DERA: variants seen among roughly 807,000 people sequenced by gnomAD.
DERA encodes deoxyribose-phosphate aldolase, also known as 2-deoxy-D-ribose 5-phosphate aldolase.
Under a neutral mutation model 41.1 loss-of-function variants are expected in DERA, and 15 were observed. The ratio of observed to expected loss-of-function variants is 0.37; its 90% CI spans 0.24 to 0.56. The LOEUF (loss-of-function observed/expected upper bound fraction) is 0.56, where lower values mean the gene tolerates loss of function less well. Among genes scored for constraint, DERA ranks in the 20% least tolerant of loss-of-function variants. The pLI is 0.81. For missense variants in DERA, 396 were observed against 403.4 expected (o/e 0.98, Z 0.16); for synonymous variants, 139 against 137.4 (o/e 1.01, Z -0.08).
At chr12:15,971,101 A>G (rs1948656489) in intron 5 of DERA, among the ~76,000 whole-genome samples, 1 of 152,220 alleles carries the variant, frequency 6.6e-6, no homozygotes, top group Non-Finnish European at 1.5e-5. Flanking sequence ...ACAATTCTCC[A>G]GAGACTTCAA....
At chr12:15,937,699 A>G (rs972472656) in intron 1 of DERA, among the ~76,000 whole-genome samples, 1 of 150,992 alleles carries the variant, frequency 6.6e-6, no homozygotes, top group Non-Finnish European at 1.5e-5. Context: ...TAACTGCACA[A>G]TATTTGTGGT....
chr12:15,997,979 A>G (rs948566180), intron 6 of DERA, among the ~76,000 whole-genome samples: 1 of 152,218 alleles, frequency 6.6e-6, no homozygotes, highest in Non-Finnish European at 1.5e-5. Flanking sequence ...CAAACCTCTC[A>G]TTTTAAAGGT....
Position 15,988,174 on chromosome 12 carries a change from C to G in DERA, c.637+5738C>G, listed in dbSNP as rs951264092. On this transcript the variant is annotated intron_variant, in intron 6 of 8. Transcript: ENST00000428559. This position sits in a 1 kb window ranked among gnomAD's most constrained non-coding sequence, Gnocchi z 6.0. ...CTGGGGGAGCCCTGAGTTCTGGGCTCCCAGAAGGGCCGCAGCTCCTTCTTC... is the reference window on the plus strand; with the variant it reads ...CTGGGGGAGCCCTGAGTTCTGGGCTGCCAGAAGGGCCGCAGCTCCTTCTTC... Among the ~76,000 whole-genome samples the G allele has an allele frequency of 6.6e-6, 1 of 152,152 alleles. No homozygotes were observed. The highest frequency in any genetic ancestry group is 2.4e-5 in the African/African-American group (1 of 41,448).
intron 1 of DERA, among the ~76,000 whole-genome samples, chr12:15,956,205 A>C (rs1236893256): frequency 6.6e-6 from 1 of 152,234 alleles, no homozygotes; most frequent in South Asian, 2.1e-4. Flanking sequence ...GGGAGCTGAC[A>C]GTGTTTTCAC....
chr12:15,912,163 G>C, intron 1 of DERA, among the ~76,000 whole-genome samples: 1 of 151,952 alleles, frequency 6.6e-6, no homozygotes, highest in African/African-American at 2.4e-5. Flanking sequence ...AGGACCCTGC[G>C]GCCTTCCGCA....
intron 1 of DERA, among the ~76,000 whole-genome samples, chr12:15,947,929 G>A (rs571527569): frequency 6.6e-6 from 1 of 152,256 alleles, no homozygotes; most frequent in East Asian, 1.9e-4. Flanking sequence ...CTCAGCATTT[G>A]CTTGTCAAGA....
At position 16,011,387 on chromosome 12, in the gene DERA, C is replaced by T. The variant is rs1312310948; in HGVS notation, c.638-21155C>T. On this transcript the variant is annotated intron_variant, in intron 6 of 8. Coordinates refer to ENST00000428559, the MANE Select transcript of DERA (RefSeq NM_015954.4). This position sits in a 1 kb window ranked among gnomAD's most constrained non-coding sequence, Gnocchi z 4.7. ...TCAGATTTCGGAATATTTGCATATG[C>T]TTACCCTAACCTGGTTGAGCATCCC... Among the ~76,000 whole-genome samples the T allele has an allele frequency of 1.3e-5, 2 of 152,126 alleles. No homozygotes were observed. Among genetic ancestry groups the T allele is most frequent in the African/African-American group, 4.8e-5 (2 of 41,436 alleles).
chr12:15,948,672 A>T (rs1435070378), intron 1 of DERA, among the ~76,000 whole-genome samples: 2 of 152,078 alleles, frequency 1.3e-5, no homozygotes, highest in African/African-American at 2.4e-5. Flanking sequence ...GAGTAGTTTG[A>T]TCATCTGAAG....
In DERA at chr12:15,915,676, T is replaced by G. The variant is rs1485766793; in HGVS notation, c.31+4262T>G. The stretch of plus-strand genomic sequence containing the variant: ...TCTTCACCTTATTTAATACCTACTG[T>G]GTGCAGACACTGTGCTTAGGTGCTG... On this transcript the variant is annotated intron_variant, in intron 1 of 8. Coordinates refer to ENST00000428559, the MANE Select transcript of DERA (RefSeq NM_015954.4). This position sits in a 1 kb window ranked among gnomAD's most constrained non-coding sequence, Gnocchi z 4.8. 6.6e-6 allele frequency among the ~76,000 whole-genome samples: 1 copy of G among 152,226 alleles called. No homozygotes were observed. The highest frequency in any genetic ancestry group is 1.5e-5 in the Non-Finnish European group (1 of 68,044).
chr12:16,007,276 G>A (rs894038528), intron 6 of DERA, among the ~76,000 whole-genome samples: 5 of 149,274 alleles, frequency 3.3e-5, no homozygotes, highest in Admixed American at 2.0e-4. Flanking sequence ...CTCCGCCTCC[G>A]GGGTTCAAGT....
chr12:16,010,181 G>C lies in DERA; in HGVS notation c.638-22361G>C, dbSNP rs924955651. The stretch of plus-strand genomic sequence containing the variant: ...ATATTCGTGGGCAAGGCAGTGCCTT[G>C]AAAACAAGTGTGTGGCATCCAGGGA... On this transcript the variant is annotated intron_variant, in intron 6 of 8. Coordinates refer to ENST00000428559, the MANE Select transcript of DERA (RefSeq NM_015954.4). The surrounding 1 kb of genome is among the most constrained non-coding windows in gnomAD (Gnocchi z 5.5). 6.6e-6 allele frequency among the ~76,000 whole-genome samples: 1 copy of C among 152,174 alleles called. No homozygotes were observed. The highest frequency in any genetic ancestry group is 1.5e-5 in the Non-Finnish European group (1 of 68,040).
At chr12:15,971,274 C>T (rs1460535963) in intron 5 of DERA, among the ~76,000 whole-genome samples, 2 of 152,320 alleles carry the variant, frequency 1.3e-5, no homozygotes, top group East Asian at 3.9e-4. Flanking sequence ...ATTTTCCTCA[C>T]ATGTGCTCCT....
At chr12:15,987,061 A>G (rs1352119415) in intron 6 of DERA, among the ~76,000 whole-genome samples, 1 of 151,990 alleles carries the variant, frequency 6.6e-6, no homozygotes, top group South Asian at 2.1e-4. Flanking sequence ...TACTCTAGCT[A>G]TGGTCAATCA....
chr12:15,958,514 C>CTTTT, intron 3 of DERA, among the ~76,000 whole-genome samples, 179 bp downstream of exon 3: 1 of 124,106 alleles, frequency 8.1e-6, no homozygotes, highest in Non-Finnish European at 1.7e-5. Flanking sequence ...GAATCTGAGT[C>CTTTT]TTTTTTTTTT....
rs1282110809 is a variant in DERA at position 15,924,328 on chromosome 12, G to A, written c.31+12914G>A. Among the ~76,000 whole-genome samples the A allele has an allele frequency of 6.6e-6, 1 of 152,126 alleles. No individual in the cohort carries two copies. The highest frequency in any genetic ancestry group is 1.5e-5 in the Non-Finnish European group (1 of 68,034). ...TCACAGCTACCTTGGAAACTGAGGCGGGACAAGGTTACAGTGATGATCATA... is the reference window on the plus strand; with the variant it reads ...TCACAGCTACCTTGGAAACTGAGGCAGGACAAGGTTACAGTGATGATCATA... On this transcript the variant is annotated intron_variant, in intron 1 of 8. Transcript: ENST00000428559. The surrounding 1 kb of genome is among the most constrained non-coding windows in gnomAD (Gnocchi z 5.0).
At chr12:16,029,130 G>T (rs1205270433) in intron 6 of DERA, among the ~76,000 whole-genome samples, 1 of 152,176 alleles carries the variant, frequency 6.6e-6, no homozygotes, top group Non-Finnish European at 1.5e-5. Context: ...AAAACTAAAA[G>T]ATTATTTAAA....
rs1425365307 is a variant in DERA at position 15,965,890 on chromosome 12, T to C, written c.508+2943T>C. Among the ~76,000 whole-genome samples the C allele has an allele frequency of 6.6e-6, 1 of 152,138 alleles. No individual in the cohort carries two copies. The highest frequency in any genetic ancestry group is 2.4e-5 in the African/African-American group (1 of 41,430). On this transcript the variant is annotated intron_variant, in intron 5 of 8. Coordinates refer to ENST00000428559, the MANE Select transcript of DERA (RefSeq NM_015954.4). This position sits in a 1 kb window ranked among gnomAD's most constrained non-coding sequence, Gnocchi z 4.1. ...CTGTGCTGTGGCTCTCATCTCCCCC[T>C]GCATTTTCAGAAGCCCTGCTCTATC...
At chr12:15,925,542 A>T (rs1948275921) in intron 1 of DERA, among the ~76,000 whole-genome samples, 1 of 152,222 alleles carries the variant, frequency 6.6e-6, no homozygotes, top group Admixed American at 6.5e-5. Context: ...TTCTAAAATT[A>T]AGTATCTTTA....
chr12:16,016,815 A>G (rs1176484220), intron 6 of DERA, among the ~76,000 whole-genome samples: 4 of 151,166 alleles, frequency 2.6e-5, no homozygotes, highest in Non-Finnish European at 5.9e-5. Flanking sequence ...AAAAAAAAAA[A>G]AAAGAAAGAA....
Sources: allele counts gnomAD v4.1 joint callset (sites outside exome capture counted in the v4.1 genomes callset), GRCh38; gene constraint gnomAD v4.1.1; non-coding constraint Gnocchi (gnomAD v3.1); transcripts MANE v1.5; gene names NCBI Gene and HGNC (gene_info 2026-07-23, HGNC 2026-07-21).